Variants in ATP23 observed in about 807,000 individuals in gnomAD.
ATP23 encodes ATP23 metallopeptidase and ATP synthase assembly factor homolog.
A neutral mutation model predicts 28.5 loss-of-function variants in ATP23; 24 were observed. That is an observed-to-expected ratio of 0.84 (90% CI 0.61 to 1.18). The LOEUF is 1.18. Among genes scored for constraint, ATP23 ranks in the 50% most tolerant of loss-of-function variants. The pLI, the probability that ATP23 is intolerant of heterozygous loss-of-function variation, is 0.00. For missense variants in ATP23, 274 were observed against 306.4 expected (o/e 0.89, Z 0.79); for synonymous variants, 99 against 108.6 (o/e 0.91, Z 0.55).
At chr12:57,942,299 T>C (rs974498265) in intron 1 of ATP23, among the ~76,000 whole-genome samples, 1 of 152,176 alleles carries the variant, frequency 6.6e-6, no homozygotes. Flanking sequence ...TGTAAAAATA[T>C]AAAAGCAGTT....
intron 3 of ATP23, 105 bp from the exon 4 acceptor site, chr12:57,951,653 C>G: frequency 8.1e-7 from 1 of 1,241,032 alleles, no homozygotes. Context: ...ATATTCCAGG[C>G]AGGTGAGCTT....
intron 4 of ATP23, among the ~76,000 whole-genome samples, chr12:57,952,414 G>A (rs1338354264): frequency 6.6e-6 from 1 of 152,138 alleles, no homozygotes; most frequent in Non-Finnish European, 1.5e-5. Context: ...TTTTTAACTA[G>A]CTTGCCCAGC....
chr12:57,946,144 G>T (rs988184863), intron 2 of ATP23, among the ~76,000 whole-genome samples: 4 of 152,160 alleles, frequency 2.6e-5, no homozygotes, highest in African/African-American at 9.7e-5. Context: ...GGGATTACAG[G>T]TGTGAGCCAC....
intron 2 of ATP23, 58 bp downstream of exon 2, chr12:57,945,731 A>G: frequency 2.0e-6 from 3 of 1,504,832 alleles, no homozygotes; most frequent in Non-Finnish European, 2.8e-6. Context: ...ACAAAAACCA[A>G]GTTCTCTTCT....
intron 3 of ATP23, among the ~76,000 whole-genome samples, chr12:57,948,838 C>T (rs1204488518): frequency 6.6e-6 from 1 of 152,210 alleles, no homozygotes; most frequent in Non-Finnish European, 1.5e-5. Context: ...CATATACAAT[C>T]CAACAGTGTG....
intron 1 of ATP23, among the ~76,000 whole-genome samples, chr12:57,944,747 T>G (rs1040710924): frequency 6.6e-6 from 1 of 152,264 alleles, no homozygotes; most frequent in African/African-American, 2.4e-5. Context: ...TAGTCCCACA[T>G]GGCACCCCTT....
intron 3 of ATP23, among the ~76,000 whole-genome samples, chr12:57,950,410 C>T (rs1956803400): frequency 6.6e-6 from 1 of 152,132 alleles, no homozygotes; most frequent in Middle Eastern, 3.2e-3. Flanking sequence ...TAGAATACTC[C>T]CTTCCCCTCC....
intron 4 of ATP23, among the ~76,000 whole-genome samples, 173 bp from the exon 5 acceptor site, chr12:57,953,433 C>G (rs1293741178): frequency 1.3e-5 from 2 of 152,172 alleles, no homozygotes; most frequent in Admixed American, 6.5e-5. Flanking sequence ...GATATTTGCT[C>G]TCGTTGTCAA....
At chr12:57,945,860 A>C (rs1592274118) in intron 2 of ATP23, among the ~76,000 whole-genome samples, 187 bp downstream of exon 2, 1 of 144,460 alleles carries the variant, frequency 6.9e-6, no homozygotes. Flanking sequence ...TTCTGCCCTA[A>C]CTCATGTTTT....
intron 5 of ATP23, among the ~76,000 whole-genome samples, chr12:57,956,160 C>T (rs1447991428): frequency 6.6e-6 from 1 of 152,078 alleles, no homozygotes; most frequent in Admixed American, 6.5e-5. Context: ...TTCCACACCC[C>T]CTAAAAAATT....
Position 57,957,098 on chromosome 12 carries a change from A to G in ATP23, c.*208A>G, listed in dbSNP as rs1273633968. 2 of 420,478 alleles carry G rather than the reference A, an allele frequency of 4.8e-6. No individual in the cohort carries two copies. The highest frequency in any genetic ancestry group is 8.3e-6 in the Non-Finnish European group (2 of 241,354). The allele number at this position is 420,478 out of a possible 1,614,324, so 26.0% of individuals were successfully genotyped here. ...TCCAAGGCAGAAATTGTATCTTTATAGCTAACCATTTAGTAAATAAATACA... is the reference window on the plus strand; with the variant it reads ...TCCAAGGCAGAAATTGTATCTTTATGGCTAACCATTTAGTAAATAAATACA... On this transcript the variant is annotated 3_prime_UTR_variant, in exon 6 of 6. Coordinates refer to ENST00000300145, the MANE Select transcript of ATP23 (RefSeq NM_033276.4).
At position 57,951,694 on chromosome 12, in the gene ATP23, A is replaced by G. The variant is rs538491546; in HGVS notation, c.316-64A>G. ...GGAGAGGTGAGGTCATGTGGGAGAGAAGATCGAGTCTATGGAAGGAGATTT... is the reference window on the plus strand; with the variant it reads ...GGAGAGGTGAGGTCATGTGGGAGAGGAGATCGAGTCTATGGAAGGAGATTT... On this transcript the variant is annotated intron_variant, in intron 3 of 5. Transcript: ENST00000300145. 58 of 1,582,022 alleles carry G rather than the reference A, an allele frequency of 3.7e-5. No homozygotes were observed. In the South Asian group the frequency reaches 6.1e-4, roughly 17 times the overall value.
At chr12:57,946,594 A>T (rs1344571989) in intron 2 of ATP23, among the ~76,000 whole-genome samples, 6 of 150,452 alleles carry the variant, frequency 4.0e-5, no homozygotes, top group African/African-American at 1.5e-4. Flanking sequence ...AGTAGCTGGG[A>T]TTATAGGCGC....
At position 57,957,522 on chromosome 12, in the gene ATP23, A is replaced by C. The variant is rs746311609; in HGVS notation, c.*632A>C. Among the ~76,000 whole-genome samples the C allele has an allele frequency of 1.2e-4, 19 of 152,152 alleles. No individual in the cohort carries two copies. Among genetic ancestry groups the C allele is most frequent in the Non-Finnish European group, 2.5e-4 (17 of 68,016 alleles). On this transcript the variant is annotated 3_prime_UTR_variant, in exon 6 of 6. Coordinates refer to ENST00000300145, the MANE Select transcript of ATP23 (RefSeq NM_033276.4). ...ACCCACAGACCCTCTGAAGGAAGCG[A>C]CTGCTCCTACAGTGCCCAGGAGACA...
At position 57,957,468 on chromosome 12, in the gene ATP23, T is replaced by C. The variant is rs772693152; in HGVS notation, c.*578T>C. On this transcript the variant is annotated 3_prime_UTR_variant, in exon 6 of 6. Coordinates refer to ENST00000300145, the MANE Select transcript of ATP23 (RefSeq NM_033276.4). Reference sequence around the variant, plus strand: ...GCTCGAATTTTAGCTCCAGATCGACTGCAAGAACAAACCAGCAATACTGAG... The same window carrying C: ...GCTCGAATTTTAGCTCCAGATCGACCGCAAGAACAAACCAGCAATACTGAG... Among the ~76,000 whole-genome samples the C allele has an allele frequency of 2.0e-5, 3 of 152,240 alleles. No individual in the cohort carries two copies. Among genetic ancestry groups the C allele is most frequent in the African/African-American group, 7.2e-5 (3 of 41,532 alleles).
At chr12:57,953,472 G>C (rs1401338918) in intron 4 of ATP23, 134 bp from the exon 5 acceptor site, 8 of 693,586 alleles carry the variant, frequency 1.2e-5, no homozygotes, top group Non-Finnish European at 1.9e-5. Flanking sequence ...TTAAGAAGAA[G>C]TGTCACAAAT....
At position 57,957,793 on chromosome 12, in the gene ATP23, G is replaced by C. The variant is rs1227415552; in HGVS notation, c.*903G>C. ...CTGTCACCACAGAGATCCATTGCAAGGGCAGCCAGAAGAGCAGCGGGTAAA... is the reference window on the plus strand; with the variant it reads ...CTGTCACCACAGAGATCCATTGCAACGGCAGCCAGAAGAGCAGCGGGTAAA... On this transcript the variant is annotated 3_prime_UTR_variant, in exon 6 of 6. Transcript: ENST00000300145. Among the ~76,000 whole-genome samples, 1 of 152,228 alleles carries C rather than the reference G, an allele frequency of 6.6e-6. No individual in the cohort carries two copies. The highest frequency in any genetic ancestry group is 1.9e-4 in the East Asian group (1 of 5,196).
At chr12:57,949,833 G>GTA (rs1474249979) in intron 3 of ATP23, 1 of 152,054 alleles carries the variant, frequency 6.6e-6, no homozygotes, top group Non-Finnish European at 1.5e-5. Context: ...CTTGAAATGT[G>GTA]TAAGTCCAAA....
At chr12:57,942,133 A>G (rs1016723882) in intron 1 of ATP23, among the ~76,000 whole-genome samples, 6 of 152,000 alleles carry the variant, frequency 3.9e-5, no homozygotes, top group Non-Finnish European at 8.8e-5. Flanking sequence ...TTTGTCACTC[A>G]CTGTTGTGAC....
Sources: gnomAD v4.1 joint callset for allele counts (sites outside exome capture counted in the v4.1 genomes callset) on GRCh38, gnomAD v4.1.1 for gene constraint, MANE v1.5 for transcripts, NCBI Gene and HGNC (gene_info 2026-07-23, HGNC 2026-07-21) for gene names.